RRH: variants seen among roughly 807,000 people sequenced by gnomAD.
The protein encoded by RRH is retinal pigment epithelium-derived rhodopsin homolog.
A neutral mutation model predicts 33.1 loss-of-function variants in RRH; 36 were observed. The ratio of observed to expected loss-of-function variants is 1.09; its 90% confidence interval spans 0.83 to 1.44. RRH has a LOEUF of 1.44. Ranked by LOEUF, RRH falls within the 40% of genes most tolerant of loss-of-function variation. The pLI, the probability that RRH is intolerant of heterozygous loss-of-function variation, is 0.00. For missense variants in RRH, 393 were observed against 420.2 expected (o/e 0.94, Z 0.57); for synonymous variants, 124 against 140.2 (o/e 0.88, Z 0.82).
chr4:109,836,236 A>C, intron 4 of RRH, 76 bp downstream of exon 4: 2 of 1,489,270 alleles, frequency 1.3e-6, no homozygotes, highest in Non-Finnish European at 1.9e-6. Flanking sequence ...ATTTAAGCTC[A>C]GATCATGTGT....
chr4:109,843,335 C>T (rs765251798), intron 6 of RRH, among the ~76,000 whole-genome samples: 1 of 152,120 alleles, frequency 6.6e-6, no homozygotes, highest in South Asian at 2.1e-4. Context: ...CTCAGCCTCC[C>T]GAGTAGCTGG....
chr4:109,843,579 A>G (rs1734023839), intron 6 of RRH, among the ~76,000 whole-genome samples: 1 of 152,232 alleles, frequency 6.6e-6, no homozygotes, highest in African/African-American at 2.4e-5. Context: ...ATGTGAAGAA[A>G]CATAAAATTT....
intron 2 of RRH, among the ~76,000 whole-genome samples, chr4:109,833,881 A>G (rs989369994): frequency 6.6e-6 from 1 of 152,240 alleles, no homozygotes; most frequent in African/African-American, 2.4e-5. Flanking sequence ...AAAACTATAG[A>G]GAATAAAATG....
At chr4:109,839,633 C>A (rs895286353) in intron 5 of RRH, among the ~76,000 whole-genome samples, 4 of 152,110 alleles carry the variant, frequency 2.6e-5, no homozygotes, top group Non-Finnish European at 4.4e-5. Context: ...CTTCAACAAG[C>A]CCCAGTGTGT....
At chr4:109,833,013 C>T (rs1733790872) in intron 1 of RRH, 126 bp from the exon 2 acceptor site, 15 of 751,588 alleles carry the variant, frequency 2.0e-5, no homozygotes, top group Non-Finnish European at 2.5e-5. Flanking sequence ...ACAGCAGGAG[C>T]TCTTCAAATA....
At chr4:109,829,750 C>T (rs1347141643) in intron 1 of RRH, among the ~76,000 whole-genome samples, 1 of 152,166 alleles carries the variant, frequency 6.6e-6, no homozygotes, top group Non-Finnish European at 1.5e-5. Context: ...TGAACCCAGG[C>T]ATTTTGGTTC....
At position 109,835,517 on chromosome 4, in the gene RRH, C is replaced by T. The variant is rs113477358; in HGVS notation, c.397+52C>T. The T allele has an allele frequency of 6.0e-5, 71 of 1,187,298 alleles. No individual in the cohort carries two copies. In the African/African-American group the frequency reaches 9.6e-4, roughly 16 times the overall value. 73.5% of individuals were successfully genotyped at this position (1,187,298 alleles called of 1,614,324 possible). A position where few individuals can be genotyped will look rare whatever the true frequency, so the allele number is the denominator to read the frequency against. On this transcript the variant is annotated intron_variant, in intron 3 of 6. Coordinates refer to ENST00000317735, the MANE Select transcript of RRH (RefSeq NM_006583.5). Reference sequence around the variant, plus strand: ...ATGAATCCATTTCTTGACTAATGGCCACTCAATATATATATACGCTAAAAT... The same window carrying T: ...ATGAATCCATTTCTTGACTAATGGCTACTCAATATATATATACGCTAAAAT...
rs1229920125 is a variant in RRH, at chr4:109,842,745, C to T, written c.899+98C>T. The stretch of plus-strand genomic sequence containing the variant: ...AGAAGTGACAGAAACCCACTTCAAT[C>T]TAGCATAAAGGTCATTTGCCTCATG... On this transcript the variant is annotated intron_variant, in intron 6 of 6. Transcript: ENST00000317735. 4 of 1,084,526 alleles carry T rather than the reference C, an allele frequency of 3.7e-6. No homozygotes were observed. The East Asian group carries it at 7.4e-5, about 20-fold the overall frequency. The allele number at this position is 1,084,526 out of a possible 1,614,324, so 67.2% of individuals were successfully genotyped here. A position where few individuals can be genotyped will look rare whatever the true frequency, so the allele number is the denominator to read the frequency against.
At chr4:109,842,689 A>T (rs1734008203) in intron 6 of RRH, 42 bp downstream of exon 6, 1 of 1,532,514 alleles carries the variant, frequency 6.5e-7, no homozygotes, top group African/African-American at 1.4e-5. Context: ...AATAAAACTG[A>T]TATAAAAAGA....
intron 1 of RRH, among the ~76,000 whole-genome samples, chr4:109,830,648 G>A (rs1205828172): frequency 1.3e-5 from 2 of 152,144 alleles, no homozygotes; most frequent in Non-Finnish European, 2.9e-5. Flanking sequence ...AGTTTGAGAG[G>A]TGTCCAATAA....
chr4:109,835,795 T>C (rs950387263), intron 3 of RRH, among the ~76,000 whole-genome samples: 3 of 152,172 alleles, frequency 2.0e-5, no homozygotes, highest in Non-Finnish European at 4.4e-5. Context: ...GTCTTTTTTT[T>C]TTTCCAGAAT....
At chr4:109,841,254 A>T (rs958173700) in intron 5 of RRH, among the ~76,000 whole-genome samples, 1 of 152,160 alleles carries the variant, frequency 6.6e-6, no homozygotes, top group Non-Finnish European at 1.5e-5. Flanking sequence ...TTCTGGGCAG[A>T]TCAGTTCCTT....
In RRH at chr4:109,836,157, A is replaced by T. The variant is rs765492743; in HGVS notation, c.548A>T (p.Asp183Val). 13 of 1,613,968 alleles carry T rather than the reference A, an allele frequency of 8.1e-6. No homozygotes were observed. The South Asian group carries it at 1.4e-4, about 18-fold the overall frequency. The part of the protein sequence containing the change: ...ATCTINWRKN[D>V]RSFVSYTMTV... ...TGTACCATAAACTGGAGGAAAAATG[A>T]TAGGTAAGAGACAAGTTTACACTTT... The change falls in exon 4 of 7, where the codon GAT becomes GTT. Residue 183 changes from aspartate (D) to valine (V), a missense_variant. Physicochemically the swap from Asp to Val is radical, Grantham distance 152. Transcript: ENST00000317735.
intron 1 of RRH, 51 bp from the exon 2 acceptor site, chr4:109,833,088 T>G (rs764829629): frequency 1.4e-6 from 2 of 1,452,996 alleles, no homozygotes; most frequent in South Asian, 2.3e-5. Context: ...GAGTCTACTT[T>G]GAAACATTCA....
In RRH at chr4:109,828,054, T is replaced by C. The variant is rs763050723; in HGVS notation, c.27T>C (p.Ser9=). 9.3e-6 allele frequency: 15 copies of C among 1,611,938 alleles called. No individual in the cohort carries two copies. Among genetic ancestry groups the C allele is most frequent in the Non-Finnish European group, 1.3e-5 (15 of 1,178,342 alleles). The change falls in exon 1 of 7, where the codon AGT becomes AGC. Residue 9 remains serine, a synonymous_variant. Transcript: ENST00000317735. MLRNNLGN[S]SDSKNEDGSV... is the part of the protein sequence containing the mutation. Reference sequence around the variant, plus strand: ...TGCTAAGAAATAATTTAGGCAACAGTTCAGACTCTAAAAATGAAGATGGCT... The same window carrying C: ...TGCTAAGAAATAATTTAGGCAACAGCTCAGACTCTAAAAATGAAGATGGCT...
In RRH at chr4:109,833,189, T is replaced by G. The variant is rs1733795313; in HGVS notation, c.157T>G (p.Tyr53Asp). The change falls in exon 2 of 7, where the codon TAC becomes GAC. Residue 53 changes from tyrosine (Y) to aspartate (D), a missense_variant. By Grantham distance (160) the Tyr-to-Asp change is radical. Coordinates refer to ENST00000317735, the MANE Select transcript of RRH (RefSeq NM_006583.5). ...AATAGTTCTGGGCATCTTCATTAAG[T>G]ACAAGGAACTTCGGACACCCACAAA... ...NIIVLGIFIK[Y>D]KELRTPTNAI... The G allele has an allele frequency of 6.2e-7, 1 of 1,614,016 alleles. No homozygotes were observed. Among genetic ancestry groups the G allele is most frequent in the Non-Finnish European group, 8.5e-7 (1 of 1,179,882 alleles).
intron 1 of RRH, 132 bp from the exon 2 acceptor site, chr4:109,833,007 C>T: frequency 1.4e-6 from 1 of 730,412 alleles, no homozygotes; most frequent in Non-Finnish European, 2.4e-6. Context: ...TTAAGAACAG[C>T]AGGAGCTCTT....
rs74749596 is a variant in RRH, at chr4:109,830,611, G to A, written c.106+2478G>A. Among the ~76,000 whole-genome samples, 435 of 152,232 alleles carry A rather than the reference G, an allele frequency of 2.9e-3. 7 individuals carry two copies. Among genetic ancestry groups the A allele is most frequent in the African/African-American group, 0.01 (416 of 41,550 alleles). ...AACACACCTGGGGAAGAACAGGTTTGAGGCAGGAGAAAAAGTCTCTCAGTT... is the reference window on the plus strand; with the variant it reads ...AACACACCTGGGGAAGAACAGGTTTAAGGCAGGAGAAAAAGTCTCTCAGTT... On this transcript the variant is annotated intron_variant, in intron 1 of 6. Coordinates refer to ENST00000317735, the MANE Select transcript of RRH (RefSeq NM_006583.5).
At chr4:109,838,778 G>C (rs945841670) in intron 5 of RRH, among the ~76,000 whole-genome samples, 3 of 152,096 alleles carry the variant, frequency 2.0e-5, no homozygotes, top group Admixed American at 6.5e-5. Flanking sequence ...GATGCTCTGT[G>C]GTGATCTGTG....
Sources: gnomAD v4.1 joint callset for allele counts (sites outside exome capture counted in the v4.1 genomes callset) on GRCh38, gnomAD v4.1.1 for gene constraint, MANE v1.5 for transcripts, NCBI Gene and HGNC (gene_info 2026-07-23, HGNC 2026-07-21) for gene names.